Variants in TTC27 observed in about 807,000 individuals in gnomAD.
TTC27 encodes the protein tetratricopeptide repeat protein 27.
In TTC27, 79 loss-of-function variants were observed where a neutral mutation model predicts 115.9. That is an observed-to-expected ratio of 0.68 (90% confidence interval 0.57 to 0.82). The LOEUF (loss-of-function observed/expected upper bound fraction) is 0.82. TTC27 is among the 40% of genes least tolerant of loss of function. The pLI is 0.00. For synonymous variants in TTC27, 401 were observed against 356.0 expected (o/e 1.13, Z -1.42); for missense variants, 1,054 against 993.1 (o/e 1.06, Z -0.82).
At position 32,710,708 on chromosome 2, in the gene TTC27, C is replaced by T. The variant is rs1050881291; in HGVS notation, c.1233+7788C>T. Reference sequence around the variant, plus strand: ...CCTCCCAAAGTGCTGGGATTACAGACGTGAGCCACCACGCCCAGCCTGTAT... The same window carrying T: ...CCTCCCAAAGTGCTGGGATTACAGATGTGAGCCACCACGCCCAGCCTGTAT... On this transcript the variant is annotated intron_variant, in intron 10 of 19. Transcript: ENST00000317907. 9.9e-5 allele frequency among the ~76,000 whole-genome samples: 15 copies of T among 151,752 alleles called. No individual in the cohort carries two copies. The East Asian group carries it at 2.3e-3, about 24-fold the overall frequency.
intron 12 of TTC27, among the ~76,000 whole-genome samples, chr2:32,738,966 C>T (rs900557567): frequency 6.6e-6 from 1 of 152,130 alleles, no homozygotes; most frequent in African/African-American, 2.4e-5. Context: ...TGAAAAAAAT[C>T]AAAGCAAACA....
At position 32,746,563 on chromosome 2, in the gene TTC27, C is replaced by CAAAAAAAAAAAAAAAAAAAAAA. The variant is rs770621313; in HGVS notation, c.1452+9766_1452+9767insAAAAAAAAAAAAAAAAAAAAAA. Among the ~76,000 whole-genome samples, 122 of 46,286 alleles carry CAAAAAAAAAAAAAAAAAAAAAA rather than the reference C, an allele frequency of 2.6e-3. 9 individuals are homozygous for CAAAAAAAAAAAAAAAAAAAAAA. Among genetic ancestry groups the CAAAAAAAAAAAAAAAAAAAAAA allele is most frequent in the East Asian group, 7.0e-3 (7 of 1,006 alleles). The allele number at this position is 46,286 out of a possible 152,430, so 30.4% of individuals were successfully genotyped here. A position where few individuals can be genotyped will look rare whatever the true frequency, so the allele number is the denominator to read the frequency against. ...TGGCAATAAGAGTGAAACTCCATCT[C>CAAAAAAAAAAAAAAAAAAAAAA]AAAAAAAAAAAAAAAAAAAGAATGC... On this transcript the variant is annotated intron_variant, in intron 12 of 19. Coordinates refer to ENST00000317907, the MANE Select transcript of TTC27 (RefSeq NM_017735.5).
intron 16 of TTC27, among the ~76,000 whole-genome samples, chr2:32,790,775 T>A (rs1670509921): frequency 6.6e-6 from 1 of 152,062 alleles, no homozygotes; most frequent in Non-Finnish European, 1.5e-5. Context: ...TATAGTTTGT[T>A]ATTAGTATTA....
intron 10 of TTC27, among the ~76,000 whole-genome samples, chr2:32,708,304 G>GTTTGTTTTTTTTTTTTTTT (rs1667450361): frequency 1.6e-5 from 1 of 61,348 alleles, no homozygotes; most frequent in East Asian, 5.2e-4. Context: ...TCTCTACCTT[G>GTTTGTTTTTTTTTTTTTTT]TTTTTTTTTT....
At position 32,640,373 on chromosome 2, in the gene TTC27, T is replaced by C. The variant is rs1212987216; in HGVS notation, c.500T>C (p.Ile167Thr). ...ATACTACTGTTATTAGCACGCATTA[T>C]CCTAGTGAATGTAAGACATAAACTG... is the stretch of plus-strand genomic sequence containing the variant. ...KPILLLLARI[I>T]LVNVRHKLTA... Residue 167 changes from isoleucine to threonine, a missense_variant, in exon 4 of 20, where the codon ATC becomes ACC. Transcript: ENST00000317907. 1 of 1,613,986 alleles carries C rather than the reference T, an allele frequency of 6.2e-7. No homozygotes were observed. Among genetic ancestry groups the C allele is most frequent in the South Asian group, 1.1e-5 (1 of 91,084 alleles).
chr2:32,632,709 A>T (rs1196560205), intron 2 of TTC27, among the ~76,000 whole-genome samples: 3 of 151,778 alleles, frequency 2.0e-5, no homozygotes, highest in Non-Finnish European at 4.4e-5. Flanking sequence ...CTTCCTTTTA[A>T]GGAAGGGCCT....
chr2:32,786,523 A>G (rs570400007), intron 15 of TTC27, among the ~76,000 whole-genome samples: 1 of 151,806 alleles, frequency 6.6e-6, no homozygotes, highest in Non-Finnish European at 1.5e-5. Context: ...AGGGTGTAGA[A>G]TTTTGGTTTG....
At chr2:32,689,270 T>G (rs1415696163) in intron 9 of TTC27, among the ~76,000 whole-genome samples, 1 of 152,156 alleles carries the variant, frequency 6.6e-6, no homozygotes, top group Non-Finnish European at 1.5e-5. Flanking sequence ...TATGCATTTG[T>G]CAAAACAGGT....
At chr2:32,741,562 G>A (rs1437049497) in intron 12 of TTC27, among the ~76,000 whole-genome samples, 1 of 152,036 alleles carries the variant, frequency 6.6e-6, no homozygotes, top group Non-Finnish European at 1.5e-5. Context: ...TGAGGCAGGA[G>A]AATCACTTGA....
intron 3 of TTC27, among the ~76,000 whole-genome samples, chr2:32,635,519 A>C (rs1226037451): frequency 2.6e-5 from 4 of 152,052 alleles, no homozygotes; most frequent in Non-Finnish European, 5.9e-5. Context: ...ACTCCGTCTT[A>C]CTAAAAATAC....
rs73924069 is a variant in TTC27, at chr2:32,818,370, C to T, written c.2409+813C>T. 4.4e-3 allele frequency among the ~76,000 whole-genome samples: 677 copies of T among 152,198 alleles called. 8 individuals are homozygous for T. The highest frequency in any genetic ancestry group is 0.016 in the African/African-American group (660 of 41,530). ...ACTTAGATAAAAATATTAAGTAGGT[C>T]GTATATGGATGTGAGCAAAATTGTT... On this transcript the variant is annotated intron_variant, in intron 19 of 19. Transcript: ENST00000317907.
At chr2:32,633,819 T>G in intron 2 of TTC27, 57 bp from the exon 3 acceptor site, 288 of 1,526,256 alleles carry the variant, frequency 1.9e-4, no homozygotes, top group Non-Finnish European at 2.3e-4. Context: ...ATAGTGTGTT[T>G]GAGATTATAC....
chr2:32,693,089 A>G (rs1341038119), intron 9 of TTC27, among the ~76,000 whole-genome samples: 1 of 152,208 alleles, frequency 6.6e-6, no homozygotes, highest in Non-Finnish European at 1.5e-5. Flanking sequence ...AGTCTTTCCA[A>G]ATTAACCTAC....
At chr2:32,726,202 G>A (rs1307166084) in intron 10 of TTC27, among the ~76,000 whole-genome samples, 1 of 152,206 alleles carries the variant, frequency 6.6e-6, no homozygotes, top group African/African-American at 2.4e-5. Context: ...TCGGCTCCTG[G>A]TTACTTATGC....
rs201182641 is a variant in TTC27 at position 32,720,376 on chromosome 2, CT to C, written c.1234-13450del. On this transcript the variant is annotated intron_variant, in intron 10 of 19. Transcript: ENST00000317907. The stretch of plus-strand genomic sequence containing the variant: ...GAAAAATAGAATTTTGAATTACTTA[CT>C]TATTAGCAGGACTAATTGAGAGTTA... Among the ~76,000 whole-genome samples, 116 of 152,274 alleles carry C rather than the reference CT, an allele frequency of 7.6e-4. 2 individuals are homozygous for C. In the East Asian group the frequency reaches 0.02, roughly 27 times the overall value.
intron 13 of TTC27, among the ~76,000 whole-genome samples, chr2:32,763,537 G>T (rs575532828): frequency 5.3e-5 from 8 of 152,154 alleles, no homozygotes; most frequent in Non-Finnish European, 1.0e-4. Flanking sequence ...GGGGAAAAAG[G>T]CTATTGTCCA....
At chr2:32,668,225 C>A (rs1665864473) in intron 7 of TTC27, among the ~76,000 whole-genome samples, 1 of 151,306 alleles carries the variant, frequency 6.6e-6, no homozygotes. Context: ...ACAAAATTAG[C>A]CAGTTGTGGT....
chr2:32,754,867 C>CG (rs1312204496), intron 12 of TTC27, among the ~76,000 whole-genome samples: 17 of 143,432 alleles, frequency 1.2e-4, no homozygotes, highest in African/African-American at 3.9e-4. Context: ...GCTGGCCAGG[C>CG]GGGGGGGCTG....
chr2:32,685,015 C>CTTTTTTTTTT (rs70938361), intron 9 of TTC27, among the ~76,000 whole-genome samples: 11 of 116,300 alleles, frequency 9.5e-5, no homozygotes, highest in Non-Finnish European at 1.6e-4. Context: ...TTGCCTTTTC[C>CTTTTTTTTTT]TTTTTTTTTT....
Sources: gnomAD v4.1 joint callset for allele counts (sites outside exome capture counted in the v4.1 genomes callset) on GRCh38, gnomAD v4.1.1 for gene constraint, MANE v1.5 for transcripts, NCBI Gene and HGNC (gene_info 2026-07-23, HGNC 2026-07-21) for gene names.